The following CCDC57 variants were observed in gnomAD, a reference collection of about 807,000 sequenced individuals.
The protein encoded by CCDC57 is coiled-coil domain containing 57.
A neutral mutation model predicts 118.9 loss-of-function variants in CCDC57; 118 were observed. That is an observed-to-expected ratio of 0.99 (90% CI 0.86 to 1.16). The LOEUF is 1.16. Among genes scored for constraint, CCDC57 ranks in the 50% most tolerant of loss-of-function variants. CCDC57 has a pLI of 0.00. For missense variants in CCDC57, 1,300 were observed against 1,320.7 expected (o/e 0.98, Z 0.24); for synonymous variants, 527 against 532.9 (o/e 0.99, Z 0.15).
Position 82,151,771 on chromosome 17 carries a change from GCCCTGTAACAAAACTCACAGGCAGACAC to G in CCDC57, c.2242-26_2243del, listed in dbSNP as rs1296101176. Reference sequence around the variant, plus strand: ...CCTCCATAGGCCCTCTCTTGGTGAGGCCCTGTAACAAAACTCACAGGCAGACACCCCTGTGAGGCTGCCCTCATGGGAG... The same window carrying G: ...CCTCCATAGGCCCTCTCTTGGTGAGGCCCTGTGAGGCTGCCCTCATGGGAG... On this transcript the variant is annotated splice_acceptor_variant and splice_polypyrimidine_tract_variant and coding_sequence_variant and intron_variant, in exon 16 of 20. Transcript: ENST00000665763. LOFTEE classifies it high-confidence loss of function. The G allele has an allele frequency of 6.5e-7, 1 of 1,549,412 alleles. No homozygotes were observed. Among genetic ancestry groups the G allele is most frequent in the Non-Finnish European group, 8.7e-7 (1 of 1,146,742 alleles).
At chr17:82,157,506 C>A in intron 15 of CCDC57, 1 of 1,422,002 alleles carries the variant, frequency 7.0e-7, no homozygotes, top group Non-Finnish European at 9.2e-7. Flanking sequence ...GCCCGTCCCG[C>A]CCCCCACCAA....
rs149711389 is a variant in CCDC57 at position 82,131,480 on chromosome 17, G to A, written c.2577+2593C>T. On this transcript the variant is annotated intron_variant, in intron 17 of 19. Transcript: ENST00000665763. ...ATACATGCCGGGCCTGGTGGCTCAC[G>A]CCTGTAATCCCAGCATTTGGGAGGC... Among the ~76,000 whole-genome samples, 428 of 151,892 alleles carry A rather than the reference G, an allele frequency of 2.8e-3. 3 individuals are homozygous for A. The highest frequency in any genetic ancestry group is 9.9e-3 in the African/African-American group (409 of 41,420).
At chr17:82,147,383 C>T (rs1189535942) in intron 16 of CCDC57, among the ~76,000 whole-genome samples, 1 of 140,420 alleles carries the variant, frequency 7.1e-6, no homozygotes, top group African/African-American at 2.7e-5. Context: ...TAATTGGATA[C>T]ATGGGTGGAT....
At chr17:82,107,271 C>T (rs373062420) in intron 19 of CCDC57, 332 of 384,514 alleles carry the variant, frequency 8.6e-4, no homozygotes, top group Non-Finnish European at 1.6e-3. Context: ...TTTGGTTCCC[C>T]TGGGAAAAGA....
rs1167866758 is a variant in CCDC57, at chr17:82,172,726, A to G, written c.1641T>C (p.His547=). Residue 547 remains histidine (H), a synonymous_variant, in exon 12 of 20, where the codon CAT becomes CAC. Coordinates refer to ENST00000665763, the Ensembl canonical transcript of CCDC57. The surrounding 1 kb of genome is among the most constrained non-coding windows in gnomAD (Gnocchi z 5.2). ...CTGTCTGGATGGGAGGAGGAATCTGATGGCTTAGAGCCTCCATTTCTTTCC... is the reference window on the plus strand; with the variant it reads ...CTGTCTGGATGGGAGGAGGAATCTGGTGGCTTAGAGCCTCCATTTCTTTCC... 1.3e-6 allele frequency: 2 copies of G among 1,595,146 alleles called. No individual in the cohort carries two copies. The highest frequency in any genetic ancestry group is 1.7e-6 in the Non-Finnish European group (2 of 1,171,132).
At chr17:82,182,905 C>T (rs1360118581) in intron 9 of CCDC57, among the ~76,000 whole-genome samples, 6 of 152,028 alleles carry the variant, frequency 3.9e-5, no homozygotes, top group Non-Finnish European at 5.9e-5. Flanking sequence ...AGGCTGGTCT[C>T]GAACTCCTGA....
chr17:82,197,699 G>A (rs1026301560), intron 4 of CCDC57, among the ~76,000 whole-genome samples: 2 of 152,348 alleles, frequency 1.3e-5, no homozygotes, highest in Non-Finnish European at 2.9e-5. Context: ...CTGCAAGGGT[G>A]TTTCCAGAAG....
chr17:82,210,088 A>AG (rs1483997570), intron 1 of CCDC57, among the ~76,000 whole-genome samples: 1 of 152,116 alleles, frequency 6.6e-6, no homozygotes, highest in African/African-American at 2.4e-5. Flanking sequence ...ACGTGCTATA[A>AG]GGACAGAGAG....
intron 9 of CCDC57, among the ~76,000 whole-genome samples, chr17:82,180,969 C>T (rs757522741): frequency 2.6e-5 from 4 of 152,182 alleles, no homozygotes; most frequent in Non-Finnish European, 4.4e-5. Context: ...AAGGTCCTCG[C>T]GAGATGGGCC....
chr17:82,126,800 C>A, intron 19 of CCDC57: 1 of 985,344 alleles, frequency 1.0e-6, no homozygotes, highest in South Asian at 4.7e-5. Flanking sequence ...GTATCTGTGA[C>A]GGTAAAGGAC....
At chr17:82,121,847 A>G (rs1331301530) in intron 19 of CCDC57, among the ~76,000 whole-genome samples, 4 of 152,196 alleles carry the variant, frequency 2.6e-5, no homozygotes, top group Non-Finnish European at 5.9e-5. Flanking sequence ...ACGAGGAGAT[A>G]AAGGCCGGGA....
chr17:82,111,196 C>T (rs980933123), intron 19 of CCDC57, among the ~76,000 whole-genome samples: 3 of 147,784 alleles, frequency 2.0e-5, no homozygotes, highest in Non-Finnish European at 3.0e-5. Context: ...CCTGGGTTCA[C>T]GCCATTCTCC....
At chr17:82,185,728 A>G (rs893859738) in intron 8 of CCDC57, among the ~76,000 whole-genome samples, 7 of 151,838 alleles carry the variant, frequency 4.6e-5, no homozygotes, top group Non-Finnish European at 8.8e-5. Flanking sequence ...TAAGAACTAC[A>G]AAGCTGGCCA....
chr17:82,120,041 G>A (rs1001177345), intron 19 of CCDC57, among the ~76,000 whole-genome samples: 1 of 152,176 alleles, frequency 6.6e-6, no homozygotes, highest in Non-Finnish European at 1.5e-5. Flanking sequence ...AGGTCCAAGA[G>A]GAGTATGGCT....
chr17:82,125,433 T>C (rs1200135384), intron 19 of CCDC57, among the ~76,000 whole-genome samples: 1 of 151,526 alleles, frequency 6.6e-6, no homozygotes, highest in Non-Finnish European at 1.5e-5. Flanking sequence ...TGGAGTGCAG[T>C]GGTACAATCT....
At chr17:82,141,042 G>A (rs941926511) in intron 16 of CCDC57, among the ~76,000 whole-genome samples, 1 of 151,094 alleles carries the variant, frequency 6.6e-6, no homozygotes, top group South Asian at 2.1e-4. Context: ...ATGGAGTCTC[G>A]ATCTGTCACC....
At chr17:82,128,374 G>T in intron 18 of CCDC57, 119 bp downstream of exon 17, 1 of 680,314 alleles carries the variant, frequency 1.5e-6, no homozygotes, top group Non-Finnish European at 2.5e-6. Flanking sequence ...CCTGATGACG[G>T]CACAAAGGCA....
chr17:82,150,243 G>A (rs1159057709), intron 16 of CCDC57, among the ~76,000 whole-genome samples: 5 of 143,892 alleles, frequency 3.5e-5, no homozygotes, highest in African/African-American at 7.9e-5. Context: ...CCAGAACCAG[G>A]CGCACACTCA....
At chr17:82,136,409 G>A (rs1415306228) in intron 16 of CCDC57, among the ~76,000 whole-genome samples, 2 of 152,112 alleles carry the variant, frequency 1.3e-5, no homozygotes, top group African/African-American at 4.8e-5. Context: ...TGTGGGTGCT[G>A]GGCGGGGGAC....
Sources: allele counts gnomAD v4.1 joint callset (sites outside exome capture counted in the v4.1 genomes callset), GRCh38; gene constraint gnomAD v4.1.1; non-coding constraint Gnocchi (gnomAD v3.1); transcripts MANE v1.5; gene names NCBI Gene and HGNC (gene_info 2026-07-23, HGNC 2026-07-21).